TGFBI: variants seen among roughly 807,000 people sequenced by gnomAD.
The protein encoded by TGFBI is transforming growth factor beta induced, also known as transforming growth factor-beta-induced protein ig-h3.
TGFBI carries 50 observed loss-of-function variants against 73.7 expected under a neutral mutation model. That is an observed-to-expected ratio of 0.68 (90% CI 0.54 to 0.86). The LOEUF is 0.86. Ranked by LOEUF, TGFBI falls within the 40% of genes least tolerant of loss-of-function variation. TGFBI has a pLI of 0.00. For synonymous variants in TGFBI, 362 were observed against 360.5 expected, an observed-to-expected ratio of 1.00 and a Z score of -0.05; for missense variants, 839 against 877.0, an observed-to-expected ratio of 0.96 and a Z score of 0.55.
At chr5:136,037,409 G>C (rs1751246516) in intron 2 of TGFBI, among the ~76,000 whole-genome samples, 1 of 152,172 alleles carries the variant, frequency 6.6e-6, no homozygotes, top group Non-Finnish European at 1.5e-5. Context: ...GTGGCACTTT[G>C]AGCAAAGGTG....
intron 2 of TGFBI, among the ~76,000 whole-genome samples, chr5:136,037,702 A>G (rs1053687844): frequency 2.6e-5 from 4 of 152,228 alleles, no homozygotes; most frequent in African/African-American, 9.6e-5. Context: ...GAGCTGGCAG[A>G]GCACTCCTGT....
chr5:136,050,300 C>A lies in TGFBI; in HGVS notation c.913+720C>A, dbSNP rs1486733689. On this transcript the variant is annotated intron_variant, in intron 7 of 16. Coordinates refer to ENST00000442011, the MANE Select transcript of TGFBI (RefSeq NM_000358.3). ...TGAGCCAAGCTTGCACCACTGCACT[C>A]CAGCCTGGGTGACACAGCGACACTC... is the stretch of plus-strand genomic sequence containing the variant. Among the ~76,000 whole-genome samples the A allele has an allele frequency of 2.0e-5, 3 of 150,292 alleles. No individual in the cohort carries two copies. The South Asian group carries it at 6.4e-4, about 32-fold the overall frequency.
intron 2 of TGFBI, among the ~76,000 whole-genome samples, chr5:136,034,826 C>T (rs1751186529): frequency 6.6e-6 from 1 of 152,146 alleles, no homozygotes; most frequent in Non-Finnish European, 1.5e-5. Context: ...TTGTGAAGGC[C>T]TGACCTTCCT....
intron 10 of TGFBI, 22 bp from the exon 11 acceptor site, chr5:136,055,658 T>C: frequency 1.0e-5 from 16 of 1,561,576 alleles, no homozygotes; most frequent in Non-Finnish European, 1.4e-5. Context: ...GTCCTTTCTT[T>C]CTCTGTCCCT....
chr5:136,048,227 A>G (rs1307784103), intron 6 of TGFBI: 1 of 152,192 alleles, frequency 6.6e-6, no homozygotes, highest in African/African-American at 2.4e-5. Context: ...CTCCTCTCCC[A>G]TGCTTTTCTT....
chr5:136,051,161 C>T (rs1751525487), intron 7 of TGFBI, among the ~76,000 whole-genome samples: 1 of 152,054 alleles, frequency 6.6e-6, no homozygotes, highest in African/African-American at 2.4e-5. Flanking sequence ...TACTATAGGC[C>T]GGGCATGGTT....
intron 7 of TGFBI, 105 bp downstream of exon 7, chr5:136,049,685 T>C: frequency 7.2e-7 from 1 of 1,380,322 alleles, no homozygotes; most frequent in Non-Finnish European, 9.9e-7. Flanking sequence ...GAGGTGACCC[T>C]CAGGATATCC....
chr5:136,059,188 C>T lies in TGFBI; in HGVS notation c.1777C>T (p.Gln593Ter), dbSNP rs1259629507. The T allele has an allele frequency of 6.2e-7, 1 of 1,610,300 alleles. No individual in the cohort carries two copies. The highest frequency in any genetic ancestry group is 8.5e-7 in the Non-Finnish European group (1 of 1,178,848). ...IGALVRLKSL[Q>*]GDKLEVSLKN... ...GGCCCTGGTGCGGCTAAAGTCTCTCCAAGGTGACAAGCTGGAAGTCAGCTT... is the reference window on the plus strand; with the variant it reads ...GGCCCTGGTGCGGCTAAAGTCTCTCTAAGGTGACAAGCTGGAAGTCAGCTT... The change falls in exon 13 of 17, where the codon CAA becomes TAA. Residue 593 changes from glutamine to a stop codon, truncating the protein, a stop_gained. Coordinates refer to ENST00000442011, the MANE Select transcript of TGFBI (RefSeq NM_000358.3). LOFTEE classifies it high-confidence loss of function.
chr5:136,037,397 G>A lies in TGFBI; in HGVS notation c.233+3536G>A, dbSNP rs527508923. On this transcript the variant is annotated intron_variant, in intron 2 of 16. Transcript: ENST00000442011. Reference sequence around the variant, plus strand: ...GATTAGTAGCCATAAAATTTTTTACGTGTGGCACTTTGAGCAAAGGTGCAG... The same window carrying A: ...GATTAGTAGCCATAAAATTTTTTACATGTGGCACTTTGAGCAAAGGTGCAG... Among the ~76,000 whole-genome samples, 13 of 152,264 alleles carry A rather than the reference G, an allele frequency of 8.5e-5. No individual in the cohort carries two copies. The East Asian group carries it at 1.5e-3, about 18-fold the overall frequency.
chr5:136,046,583 G>T, intron 4 of TGFBI, 88 bp downstream of exon 4: 1 of 1,434,044 alleles, frequency 7.0e-7, no homozygotes, highest in Non-Finnish European at 9.3e-7. Flanking sequence ...GGAGTCTGCA[G>T]TCATTTCCTA....
chr5:136,034,121 C>CGTGT (rs10626743), intron 2 of TGFBI, among the ~76,000 whole-genome samples: 29 of 149,640 alleles, frequency 1.9e-4, no homozygotes, highest in South Asian at 4.2e-4. Context: ...TGAAACACTG[C>CGTGT]GTGTGTGTGT....
intron 3 of TGFBI, among the ~76,000 whole-genome samples, chr5:136,044,365 A>G (rs1751389108): frequency 6.6e-6 from 1 of 152,232 alleles, no homozygotes; most frequent in Admixed American, 6.5e-5. Flanking sequence ...GTAGACTCCA[A>G]CTGTGGCCTG....
chr5:136,052,664 G>A (rs1246897210), intron 7 of TGFBI, among the ~76,000 whole-genome samples: 1 of 152,212 alleles, frequency 6.6e-6, no homozygotes, highest in African/African-American at 2.4e-5. Flanking sequence ...AGGAAGTTGA[G>A]GTTCAAAGAG....
chr5:136,062,694 C>T lies in TGFBI; in HGVS notation c.2011+7C>T, dbSNP rs1263585037. 3.8e-6 allele frequency: 6 copies of T among 1,567,256 alleles called. No homozygotes were observed. In the Admixed American group the frequency reaches 1.1e-4, roughly 29 times the overall value. Reference sequence around the variant, plus strand: ...CAGAGGTCTGTGCGACTAGGTGAGTCTGGTCTGGGTTTGAAGTCATTGCAG... The same window carrying T: ...CAGAGGTCTGTGCGACTAGGTGAGTTTGGTCTGGGTTTGAAGTCATTGCAG... On this transcript the variant is annotated splice_region_variant and intron_variant, in intron 16 of 16. Transcript: ENST00000442011.
At position 136,033,695 on chromosome 5, in the gene TGFBI, C is replaced by A. The variant is rs765432046; in HGVS notation, c.135-68C>A. The stretch of plus-strand genomic sequence containing the variant: ...TTCCAGTGACCCAAGGAGGCAAACA[C>A]GATGGGAGTCATTAAAGTGGGGTGG... On this transcript the variant is annotated intron_variant, in intron 1 of 16. Transcript: ENST00000442011. 69 of 1,358,072 alleles carry A rather than the reference C, an allele frequency of 5.1e-5. No homozygotes were observed. The Admixed American group carries it at 7.6e-4, about 15-fold the overall frequency. The allele number at this position is 1,358,072 out of a possible 1,614,324, so 84.1% of individuals were successfully genotyped here.
rs370117299 is a variant in TGFBI, at chr5:136,044,064, C to T, written c.240C>T (p.Ile80=). 23 of 1,613,156 alleles carry T rather than the reference C, an allele frequency of 1.4e-5. No homozygotes were observed. Among genetic ancestry groups the T allele is most frequent in the South Asian group, 2.2e-5 (2 of 90,936 alleles). ...QRKICGKSTV[I]SYECCPGYEK... ...TATGGTTGTCTTGTTACAGAGTCAT[C>T]AGCTACGAGTGCTGTCCTGGATATG... The change falls in exon 3 of 17, where the codon ATC becomes ATT. Residue 80 remains isoleucine, a synonymous_variant. Transcript: ENST00000442011.
rs755520624 is a variant in TGFBI, at chr5:136,059,163, G to A, written c.1752G>A (p.Gly584=). ...GDEILVSGGI[G]ALVRLKSLQG... The stretch of plus-strand genomic sequence containing the variant: ...AAATCCTGGTTAGCGGAGGCATCGG[G>A]GCCCTGGTGCGGCTAAAGTCTCTCC... The change falls in exon 13 of 17, where the codon GGG becomes GGA. Residue 584 remains glycine, a synonymous_variant. Coordinates refer to ENST00000442011, the MANE Select transcript of TGFBI (RefSeq NM_000358.3). 6.8e-6 allele frequency: 11 copies of A among 1,610,788 alleles called. No homozygotes were observed. In the Admixed American group the frequency reaches 1.0e-4, roughly 15 times the overall value.
intron 2 of TGFBI, among the ~76,000 whole-genome samples, chr5:136,035,427 T>C (rs1751199898): frequency 6.6e-6 from 1 of 151,994 alleles, no homozygotes; most frequent in Admixed American, 6.5e-5. Context: ...ACAGAGACCA[T>C]CCTGGCTAAC....
At chr5:136,051,111 C>T (rs2237072) in intron 7 of TGFBI, among the ~76,000 whole-genome samples, 47,434 of 152,006 alleles carry the variant, frequency 0.31, 7,713 homozygotes, top group African/African-American at 0.41. Context: ...ACATGATTTG[C>T]ACAGAGCACA....
Sources: allele counts gnomAD v4.1 joint callset (sites outside exome capture counted in the v4.1 genomes callset), GRCh38; gene constraint gnomAD v4.1.1; transcripts MANE v1.5; gene names NCBI Gene and HGNC (gene_info 2026-07-23, HGNC 2026-07-21).